Variants in RIT2 observed in about 807,000 individuals in gnomAD.
The protein encoded by RIT2 is Ras like without CAAX 2.
RIT2 carries 24 observed loss-of-function variants against 23.7 expected under a neutral mutation model. The observed-to-expected ratio is 1.01, with a 90% CI of 0.73 to 1.43. The LOEUF is 1.43. RIT2 is among the 40% of genes most tolerant of loss of function. The pLI is 0.00. For synonymous variants in RIT2, 107 were observed against 91.1 expected, an observed-to-expected ratio of 1.17 and a Z score of -0.99; for missense variants, 236 against 266.9, an observed-to-expected ratio of 0.88 and a Z score of 0.81.
Position 42,869,610 on chromosome 18 carries a change from T to C in RIT2, c.426+53962A>G, listed in dbSNP as rs760117961. On this transcript the variant is annotated intron_variant, in intron 4 of 4. Coordinates refer to ENST00000326695, the MANE Select transcript of RIT2 (RefSeq NM_002930.4). ...CACCAACATTCATTTTTAGGCCTGA[T>C]GTAAAAGTTGTTTGAACCCCAGTTG... Among the ~76,000 whole-genome samples, 4 of 152,212 alleles carry C rather than the reference T, an allele frequency of 2.6e-5. No homozygotes were observed. In the East Asian group the frequency reaches 5.8e-4, roughly 22 times the overall value.
chr18:42,993,857 C>T (rs963213600), intron 2 of RIT2, among the ~76,000 whole-genome samples: 1 of 152,120 alleles, frequency 6.6e-6, no homozygotes, highest in Admixed American at 6.5e-5. Flanking sequence ...TTACCCCACT[C>T]AACGCCAATA....
At position 42,936,591 on chromosome 18, in the gene RIT2, T is replaced by C. The variant is rs571633281; in HGVS notation, c.235-12828A>G. On this transcript the variant is annotated intron_variant, in intron 3 of 4. Transcript: ENST00000326695. ...AACTTTTCCTGACTCCTGTTCATTC[T>C]GTGGTCTCTATCTTTTATGCACTAT... is the stretch of plus-strand genomic sequence containing the variant. 2.0e-5 allele frequency among the ~76,000 whole-genome samples: 3 copies of C among 152,328 alleles called. No homozygotes were observed. In the East Asian group the frequency reaches 5.8e-4, roughly 29 times the overall value.
chr18:43,039,548 G>A (rs753946680), intron 1 of RIT2, among the ~76,000 whole-genome samples: 29 of 151,724 alleles, frequency 1.9e-4, no homozygotes, highest in Non-Finnish European at 3.2e-4. Context: ...GGGTTTCTCC[G>A]TGTTGGTCAG....
chr18:43,091,670 G>C (rs1162644047), intron 1 of RIT2, among the ~76,000 whole-genome samples: 1 of 151,930 alleles, frequency 6.6e-6, no homozygotes, highest in East Asian at 1.9e-4. Flanking sequence ...AAACAAAATT[G>C]GATGTTCAGT....
chr18:42,842,092 C>T (rs983848344), intron 4 of RIT2, among the ~76,000 whole-genome samples: 2 of 152,182 alleles, frequency 1.3e-5, no homozygotes, highest in African/African-American at 4.8e-5. Context: ...GGCTGATATG[C>T]AACTAATTTG....
Position 42,743,505 on chromosome 18 carries a change from T to A in RIT2, c.642A>T (p.Glu214Asp). The A allele has an allele frequency of 6.2e-7, 1 of 1,611,312 alleles. No individual in the cohort carries two copies. Among genetic ancestry groups the A allele is most frequent in the Non-Finnish European group, 8.5e-7 (1 of 1,177,794 alleles). The change falls in exon 5 of 5, where the codon GAA becomes GAT. Residue 214 changes from glutamate to aspartate, a missense_variant. Glu to Asp is a conservative substitution (Grantham distance 45, BLOSUM62 2). Coordinates refer to ENST00000326695, the MANE Select transcript of RIT2 (RefSeq NM_002930.4). ...KLKGSLKKKR[E>D]NMT Reference sequence around the variant, plus strand: ...AAAAGCAAAGATATCATGTCATATTTTCTCTCTTCTTCTTCAAAGAACCTT... The same window carrying A: ...AAAAGCAAAGATATCATGTCATATTATCTCTCTTCTTCTTCAAAGAACCTT...
intron 4 of RIT2, among the ~76,000 whole-genome samples, chr18:42,922,329 T>C (rs1237656247): frequency 6.6e-6 from 1 of 152,164 alleles, no homozygotes; most frequent in Non-Finnish European, 1.5e-5. Context: ...TGAAGATTCC[T>C]ACGTTAGTAA....
intron 3 of RIT2, among the ~76,000 whole-genome samples, chr18:42,929,401 T>C (rs750029237): frequency 2.0e-5 from 3 of 152,068 alleles, no homozygotes; most frequent in East Asian, 1.9e-4. Context: ...TCAATAATAC[T>C]GACGGAAGCT....
intron 4 of RIT2, among the ~76,000 whole-genome samples, chr18:42,838,956 G>A (rs1318079194): frequency 6.6e-6 from 1 of 152,180 alleles, no homozygotes; most frequent in East Asian, 1.9e-4. Context: ...ACCTTGCAGA[G>A]CAACTTCCGA....
chr18:43,106,700 T>C (rs1415349742), intron 1 of RIT2, among the ~76,000 whole-genome samples: 1 of 152,196 alleles, frequency 6.6e-6, no homozygotes, highest in Non-Finnish European at 1.5e-5. Context: ...CCAATACACA[T>C]GGCAGTGGCA....
chr18:43,064,126 C>T (rs535525925), intron 1 of RIT2, among the ~76,000 whole-genome samples: 5 of 152,212 alleles, frequency 3.3e-5, no homozygotes, highest in African/African-American at 1.2e-4. Context: ...TGGATGCCCT[C>T]ATAAGGAGAT....
At chr18:43,057,522 A>G (rs796801734) in intron 1 of RIT2, among the ~76,000 whole-genome samples, 19 of 152,300 alleles carry the variant, frequency 1.2e-4, no homozygotes, top group African/African-American at 4.1e-4. Flanking sequence ...CACATTCCCA[A>G]TAACACAAAC....
At chr18:43,110,762 T>A (rs1913933629) in intron 1 of RIT2, among the ~76,000 whole-genome samples, 1 of 152,158 alleles carries the variant, frequency 6.6e-6, no homozygotes, top group Non-Finnish European at 1.5e-5. Context: ...TGTCATTTAA[T>A]GTTATTTCAC....
chr18:42,995,071 C>A (rs1256626656), intron 2 of RIT2, among the ~76,000 whole-genome samples: 1 of 152,136 alleles, frequency 6.6e-6, no homozygotes, highest in Non-Finnish European at 1.5e-5. Flanking sequence ...CTGTTCCTCA[C>A]CCTGATCACA....
At chr18:42,869,186 T>G (rs1354703818) in intron 4 of RIT2, among the ~76,000 whole-genome samples, 1 of 152,246 alleles carries the variant, frequency 6.6e-6, no homozygotes, top group African/African-American at 2.4e-5. Context: ...GTGGGTATGG[T>G]TTCAGGATGA....
intron 2 of RIT2, among the ~76,000 whole-genome samples, chr18:43,007,106 T>C (rs1213738889): frequency 6.6e-6 from 1 of 151,690 alleles, no homozygotes; most frequent in African/African-American, 2.4e-5. Context: ...TAAACAATTA[T>C]CAACATGCAA....
chr18:42,764,355 C>T (rs988951465), intron 4 of RIT2, among the ~76,000 whole-genome samples: 16 of 152,128 alleles, frequency 1.1e-4, no homozygotes, highest in African/African-American at 3.9e-4. Flanking sequence ...CTATCCTTTC[C>T]TCTTGAATCA....
rs532864479 is a variant in RIT2, at chr18:43,057,453, C to T, written c.104-23586G>A. On this transcript the variant is annotated intron_variant, in intron 1 of 4. Transcript: ENST00000326695. ...ACTACATACTTTCTTAATATTACTT[C>T]GCTTTGAAAAAGGACAAGCTTCTAT... 3.3e-5 allele frequency among the ~76,000 whole-genome samples: 5 copies of T among 152,246 alleles called. No individual in the cohort carries two copies. In the South Asian group the frequency reaches 6.2e-4, roughly 19 times the overall value.
intron 4 of RIT2, among the ~76,000 whole-genome samples, chr18:42,865,593 C>T (rs750834746): frequency 1.1e-4 from 17 of 152,090 alleles, no homozygotes; most frequent in Non-Finnish European, 2.4e-4. Context: ...ATCAAGTACT[C>T]TATCTTCCAG....
Sources: allele counts gnomAD v4.1 joint callset (sites outside exome capture counted in the v4.1 genomes callset), GRCh38; gene constraint gnomAD v4.1.1; transcripts MANE v1.5; gene names NCBI Gene and HGNC (gene_info 2026-07-23, HGNC 2026-07-21).